The following SENP5 variants were observed in gnomAD, a reference collection of about 807,000 sequenced individuals.
SENP5 encodes the protein sentrin-specific protease 5.
SENP5 carries 21 observed loss-of-function variants against 74.2 expected under a neutral mutation model. The observed-to-expected ratio is 0.28, with a 90% CI of 0.20 to 0.41. SENP5 has a LOEUF of 0.41. Ranked by LOEUF, SENP5 falls within the 10% of genes least tolerant of loss-of-function variation. The probability of loss-of-function intolerance (pLI) is 1.00; values close to 1 mark genes in which losing one functional copy is unlikely to be tolerated. For synonymous variants in SENP5, 311 were observed against 312.7 expected, an observed-to-expected ratio of 0.99 and a Z score of 0.06; for missense variants, 717 against 889.1, an observed-to-expected ratio of 0.81 and a Z score of 2.46.
chr3:196,928,583 A>G (rs189853117), intron 8 of SENP5, among the ~76,000 whole-genome samples: 2 of 152,348 alleles, frequency 1.3e-5, no homozygotes, highest in Admixed American at 6.5e-5. Context: ...CATCAAAACT[A>G]TTGATACAGA....
At chr3:196,923,040 A>C (rs1247889761) in intron 6 of SENP5, among the ~76,000 whole-genome samples, 2 of 152,216 alleles carry the variant, frequency 1.3e-5, no homozygotes, top group African/African-American at 4.8e-5. Flanking sequence ...GGTGTGAGCC[A>C]CCGTGCCTGG....
chr3:196,886,347 A>C lies in SENP5; in HGVS notation c.1166A>C (p.Glu389Ala). The C allele has an allele frequency of 6.2e-7, 1 of 1,613,696 alleles. No homozygotes were observed. The highest frequency in any genetic ancestry group is 8.5e-7 in the Non-Finnish European group (1 of 1,179,800). The change falls in exon 2 of 10, where the codon GAA becomes GCA. Residue 389 changes from glutamate (E) to alanine (A), a missense_variant. By Grantham distance (107) the Glu-to-Ala change is moderately radical. Transcript: ENST00000323460. Reference protein sequence around the residue: ...EHRSNTMFISETEREIMTLGQ... With the variant: ...EHRSNTMFISATEREIMTLGQ... The stretch of plus-strand genomic sequence containing the variant: ...CGTTCTAATACCATGTTCATTTCAG[A>C]AACTGAAAGAGAAATTATGACTCTG...
intron 6 of SENP5, among the ~76,000 whole-genome samples, chr3:196,919,582 T>C (rs113537497): frequency 8.7e-4 from 133 of 152,006 alleles, no homozygotes; most frequent in African/African-American, 3.2e-3. Flanking sequence ...TCACATGAGG[T>C]CAGGTGTTCA....
chr3:196,893,350 G>C (rs1287345580), intron 2 of SENP5, among the ~76,000 whole-genome samples: 3 of 151,982 alleles, frequency 2.0e-5, no homozygotes, highest in African/African-American at 7.3e-5. Flanking sequence ...TTTAAATCTT[G>C]TGTGCATGTG....
intron 1 of SENP5, among the ~76,000 whole-genome samples, chr3:196,870,475 T>G (rs779810139): frequency 2.6e-5 from 4 of 152,166 alleles, no homozygotes; most frequent in Admixed American, 6.6e-5. Context: ...CCAAATATAC[T>G]AAATTATTTT....
chr3:196,876,410 A>T (rs1283355977), intron 1 of SENP5, among the ~76,000 whole-genome samples: 1 of 151,856 alleles, frequency 6.6e-6, no homozygotes, highest in African/African-American at 2.4e-5. Flanking sequence ...CTATAGTCCC[A>T]GCTAGGCTGA....
intron 6 of SENP5, among the ~76,000 whole-genome samples, chr3:196,917,642 G>A (rs1715436537): frequency 1.3e-5 from 2 of 152,214 alleles, no homozygotes. Flanking sequence ...AACTTTACAG[G>A]CCAGGAGGGA....
At chr3:196,902,877 C>T (rs1264604525) in intron 5 of SENP5, among the ~76,000 whole-genome samples, 1 of 152,194 alleles carries the variant, frequency 6.6e-6, no homozygotes, top group Non-Finnish European at 1.5e-5. Flanking sequence ...CCACATCCTT[C>T]ACATGGAGTT....
intron 2 of SENP5, among the ~76,000 whole-genome samples, chr3:196,888,583 CAAA>C (rs112395641): frequency 7.1e-6 from 1 of 140,528 alleles, no homozygotes; most frequent in Admixed American, 7.1e-5. Context: ...GACTCTCTCA[CAAA>C]AAAAAAAGAA....
chr3:196,906,314 C>T (rs1385630827), intron 6 of SENP5, among the ~76,000 whole-genome samples: 1 of 152,124 alleles, frequency 6.6e-6, no homozygotes, highest in Non-Finnish European at 1.5e-5. Context: ...TTTACAGTAT[C>T]ATAGTGCCAG....
rs959127233 is a variant in SENP5 at position 196,886,205 on chromosome 3, G to A, written c.1024G>A (p.Glu342Lys). ...CTTGGGCAAGGAGCTTAGTTTAGAC[G>A]AAGCATTCCCTGACCAACAGAATGG... ...SFLGKELSLDEAFPDQQNGSA... is the reference protein window; with the variant it reads ...SFLGKELSLDKAFPDQQNGSA... The change falls in exon 2 of 10, where the codon GAA becomes AAA. Residue 342 changes from glutamate (E) to lysine (K), a missense_variant. Transcript: ENST00000323460. 3 of 1,614,178 alleles carry A rather than the reference G, an allele frequency of 1.9e-6. No homozygotes were observed. The highest frequency in any genetic ancestry group is 2.2e-5 in the East Asian group (1 of 44,886).
intron 5 of SENP5, among the ~76,000 whole-genome samples, chr3:196,900,650 A>T (rs773398081): frequency 6.6e-6 from 1 of 152,024 alleles, no homozygotes; most frequent in Non-Finnish European, 1.5e-5. Context: ...CAGTGGCGTG[A>T]TCTCGGCTCA....
chr3:196,877,179 T>C (rs918076959), intron 1 of SENP5, among the ~76,000 whole-genome samples: 2 of 152,058 alleles, frequency 1.3e-5, no homozygotes, highest in African/African-American at 4.8e-5. Flanking sequence ...TTTTTTTAAT[T>C]TTTAATTTTA....
intron 1 of SENP5, among the ~76,000 whole-genome samples, chr3:196,868,756 C>A (rs1054978544): frequency 3.9e-5 from 6 of 152,082 alleles, no homozygotes; most frequent in Admixed American, 3.3e-4. Context: ...TTTCTTCTAC[C>A]AATGTAAATT....
At position 196,923,678 on chromosome 3, in the gene SENP5, T is replaced by G. The variant is rs1196052761; in HGVS notation, c.2022+127T>G. ...TTTATGTCATGAAAATCCTCCAAAG[T>G]GTTAGCTGAGAAAAGGACTAGAAGA... On this transcript the variant is annotated intron_variant, in intron 7 of 9. Transcript: ENST00000323460. 8.2e-6 allele frequency: 5 copies of G among 610,404 alleles called. No homozygotes were observed. The African/African-American group carries it at 9.5e-5, about 12-fold the overall frequency. The allele number at this position is 610,404 out of a possible 1,614,324, so 37.8% of individuals were successfully genotyped here.
Position 196,934,212 on chromosome 3 carries a change from C to CTGAT in SENP5, c.*3292_*3293insTTGA, listed in dbSNP as rs2108874236. On this transcript the variant is annotated 3_prime_UTR_variant, in exon 10 of 10. Transcript: ENST00000323460. Reference sequence around the variant, plus strand: ...TTCTATTTTCTACATAGCACTGAATCTGAGTAACAGTCATCCTGGATTTAT... The same window carrying CTGAT: ...TTCTATTTTCTACATAGCACTGAATCTGATTGAGTAACAGTCATCCTGGATTTAT... 1 of 152,346 alleles carries CTGAT rather than the reference C, an allele frequency of 6.6e-6. No homozygotes were observed. Among genetic ancestry groups the CTGAT allele is most frequent in the Non-Finnish European group, 1.5e-5 (1 of 68,040 alleles). 9.4% of individuals were successfully genotyped at this position (152,346 alleles called of 1,614,324 possible).
chr3:196,879,405 T>G (rs907231340), intron 1 of SENP5, among the ~76,000 whole-genome samples: 11 of 152,368 alleles, frequency 7.2e-5, no homozygotes, highest in African/African-American at 2.6e-4. Flanking sequence ...TAGTGTTCTC[T>G]GTACCTACTA....
chr3:196,905,319 C>CA (rs1714857891), intron 6 of SENP5: 1 of 152,202 alleles, frequency 6.6e-6, no homozygotes, highest in Admixed American at 6.5e-5. Flanking sequence ...AGCAAGCAAG[C>CA]AGTTCTGCAG....
intron 6 of SENP5, among the ~76,000 whole-genome samples, chr3:196,909,584 C>T (rs1277775747): frequency 6.6e-6 from 1 of 152,198 alleles, no homozygotes; most frequent in East Asian, 1.9e-4. Flanking sequence ...GGCTTCATCC[C>T]TGGGATGCAA....
Sources: allele counts gnomAD v4.1 joint callset (sites outside exome capture counted in the v4.1 genomes callset), GRCh38; gene constraint gnomAD v4.1.1; transcripts MANE v1.5; gene names NCBI Gene and HGNC (gene_info 2026-07-23, HGNC 2026-07-21).